Variants in ASB3 observed in about 807,000 individuals in gnomAD.
The protein encoded by ASB3 is ankyrin repeat and SOCS box containing 3.
Under a neutral mutation model 54.5 loss-of-function variants are expected in ASB3, and 41 were observed. That is an observed-to-expected ratio of 0.75 (90% confidence interval 0.59 to 0.98). The LOEUF is 0.98. Ranked by LOEUF, ASB3 falls within the 50% of genes least tolerant of loss-of-function variation. ASB3 has a pLI of 0.00. For synonymous variants in ASB3, 266 were observed against 221.2 expected, an observed-to-expected ratio of 1.20 and a Z score of -1.80; for missense variants, 733 against 620.0, an observed-to-expected ratio of 1.18 and a Z score of -1.94.
At chr2:53,780,514 C>A (rs76019900) in intron 1 of ASB3, among the ~76,000 whole-genome samples, 3 of 151,990 alleles carry the variant, frequency 2.0e-5, no homozygotes, top group Non-Finnish European at 4.4e-5. Context: ...GTATGGTGCT[C>A]GTGCCTGTAA....
chr2:53,697,252 G>C (rs1381967343), intron 8 of ASB3, among the ~76,000 whole-genome samples: 1 of 152,164 alleles, frequency 6.6e-6, no homozygotes, highest in East Asian at 1.9e-4. Context: ...TATAAAAAGG[G>C]GGAAACCCTC....
At chr2:53,691,715 C>G (rs1404642973) in intron 9 of ASB3, among the ~76,000 whole-genome samples, 1 of 152,046 alleles carries the variant, frequency 6.6e-6, no homozygotes, top group Admixed American at 6.6e-5. Context: ...AGGGTGCCCC[C>G]AAGAGAGACC....
chr2:53,768,195 C>A, intron 1 of ASB3: 1 of 725,116 alleles, frequency 1.4e-6, no homozygotes, highest in Non-Finnish European at 2.2e-6. Context: ...CATCTCTAAC[C>A]CAGCCCGGGC....
intron 1 of ASB3, among the ~76,000 whole-genome samples, chr2:53,785,659 G>A (rs190545541): frequency 2.6e-5 from 4 of 152,120 alleles, no homozygotes; most frequent in South Asian, 2.1e-4. Flanking sequence ...CCTGGCCAAC[G>A]TGGTGAAACC....
At chr2:53,688,959 G>A (rs1018857124) in intron 9 of ASB3, among the ~76,000 whole-genome samples, 5 of 152,030 alleles carry the variant, frequency 3.3e-5, no homozygotes, top group African/African-American at 9.7e-5. Flanking sequence ...AGGATTTGTG[G>A]TACACAATTA....
chr2:53,683,380 A>T (rs1482557973), intron 9 of ASB3, among the ~76,000 whole-genome samples: 1 of 150,966 alleles, frequency 6.6e-6, no homozygotes, highest in African/African-American at 2.4e-5. Context: ...TATTTTGTTG[A>T]GTATCAATAT....
chr2:53,681,412 G>C (rs1361685839), intron 9 of ASB3, among the ~76,000 whole-genome samples: 3 of 152,196 alleles, frequency 2.0e-5, no homozygotes, highest in African/African-American at 7.2e-5. Context: ...TTGGTTGCCT[G>C]TGCTTGTGGG....
chr2:53,762,840 T>G (rs554410188), intron 2 of ASB3, among the ~76,000 whole-genome samples: 1 of 152,042 alleles, frequency 6.6e-6, no homozygotes, highest in South Asian at 2.1e-4. Context: ...ATATTAAACT[T>G]CTATGTAATC....
intron 9 of ASB3, among the ~76,000 whole-genome samples, chr2:53,683,351 G>A (rs978886570): frequency 6.6e-6 from 1 of 151,892 alleles, no homozygotes; most frequent in Non-Finnish European, 1.5e-5. Context: ...TAAATGTGTT[G>A]TAGAATTCGG....
At chr2:53,759,954 G>A (rs1478320276) in intron 2 of ASB3, among the ~76,000 whole-genome samples, 3 of 152,170 alleles carry the variant, frequency 2.0e-5, no homozygotes, top group Non-Finnish European at 2.9e-5. Context: ...CCTGGACACT[G>A]GCGCAGCTGT....
chr2:53,725,021 A>G (rs1318902163), intron 5 of ASB3, among the ~76,000 whole-genome samples: 1 of 152,214 alleles, frequency 6.6e-6, no homozygotes, highest in East Asian at 1.9e-4. Context: ...AAGACATGGA[A>G]TCAACCTAGG....
At chr2:53,729,648 A>G (rs1572922054) in intron 3 of ASB3, 78 bp from the exon 4 acceptor site, 1 of 1,233,760 alleles carries the variant, frequency 8.1e-7, no homozygotes. Flanking sequence ...TGATGTTCTC[A>G]TCACTTACTC....
chr2:53,767,970 C>A (rs1673603080), intron 1 of ASB3: 13 of 1,614,158 alleles, frequency 8.1e-6, no homozygotes, highest in Non-Finnish European at 1.1e-5. Flanking sequence ...TCACCAACTA[C>A]AGCAGGCGCT....
At chr2:53,716,524 T>C (rs1166868821) in intron 6 of ASB3, 42 bp downstream of exon 6, 4 of 1,588,532 alleles carry the variant, frequency 2.5e-6, no homozygotes, top group African/African-American at 2.7e-5. Flanking sequence ...TTATTAGCTT[T>C]TGATTAAGAG....
intron 1 of ASB3, chr2:53,768,274 C>A: frequency 2.3e-6 from 1 of 433,556 alleles, no homozygotes; most frequent in Non-Finnish European, 4.1e-6. Context: ...CGGGCACAGG[C>A]GCACGAGCTC....
intron 3 of ASB3, among the ~76,000 whole-genome samples, chr2:53,744,654 C>T (rs1672131524): frequency 6.6e-6 from 1 of 151,732 alleles, no homozygotes; most frequent in Non-Finnish European, 1.5e-5. Context: ...ACCTCCAAAG[C>T]AAAGTTTTAT....
At chr2:53,778,790 A>G (rs1453335319) in intron 1 of ASB3, among the ~76,000 whole-genome samples, 4 of 152,204 alleles carry the variant, frequency 2.6e-5, no homozygotes. Context: ...TCATCTGTCT[A>G]AGGACCCTTA....
chr2:53,704,890 A>G (rs1669686024), intron 7 of ASB3, among the ~76,000 whole-genome samples: 2 of 152,210 alleles, frequency 1.3e-5, no homozygotes, highest in Non-Finnish European at 2.9e-5. Context: ...ACTCTCTAAT[A>G]AAGAACTCAG....
chr2:53,758,489 G>A (rs369583918), intron 2 of ASB3, among the ~76,000 whole-genome samples: 20 of 152,174 alleles, frequency 1.3e-4, no homozygotes, highest in African/African-American at 4.6e-4. Flanking sequence ...TTATGGGAAC[G>A]CATCTTGATG....
Sources: gnomAD v4.1 joint callset for allele counts (sites outside exome capture counted in the v4.1 genomes callset) on GRCh38, gnomAD v4.1.1 for gene constraint, MANE v1.5 for transcripts, NCBI Gene and HGNC (gene_info 2026-07-23, HGNC 2026-07-21) for gene names.